Variants in SYNM observed in about 807,000 individuals in gnomAD.
The protein encoded by SYNM is desmuslin.
In SYNM, 95 loss-of-function variants were observed where a neutral mutation model predicts 104.0. The observed-to-expected ratio is 0.91, with a 90% CI of 0.77 to 1.08. The LOEUF (loss-of-function observed/expected upper bound fraction) is 1.08. SYNM is among the 50% of genes least tolerant of loss of function. SYNM has a pLI of 0.00. For synonymous variants in SYNM, 918 were observed against 869.0 expected, an observed-to-expected ratio of 1.06 and a Z score of -0.99; for missense variants, 2,150 against 2,052.2, an observed-to-expected ratio of 1.05 and a Z score of -0.92.
At chr15:99,136,922 A>G (rs2067636459), downstream of SYNM, 1 of 152,170 alleles carries the variant, frequency 6.6e-6, no homozygotes, top group African/African-American at 2.4e-5. Flanking sequence ...TATTTTCCCC[A>G]TCAATACTGG....
intron 2 of SYNM, among the ~76,000 whole-genome samples, chr15:99,125,711 C>T (rs1328028007): frequency 2.6e-5 from 4 of 152,258 alleles, no homozygotes; most frequent in Non-Finnish European, 5.9e-5. Context: ...ATTGGCATTT[C>T]TCAGTGGGCT....
intron 1 of SYNM, among the ~76,000 whole-genome samples, chr15:99,106,339 G>A (rs552333476): frequency 1.3e-5 from 2 of 152,288 alleles, no homozygotes; most frequent in African/African-American, 4.8e-5. Context: ...TCCATTTTCC[G>A]TGCTCCGTAG....
Position 99,133,276 on chromosome 15 carries a change from TG to T in SYNM, c.*221del. On this transcript the variant is annotated 3_prime_UTR_variant, in exon 4 of 4. Transcript: ENST00000336292. ...AGGCACTGCAATTTTATTTTTGAGT[TG>T]GGACTTTTACAAAACACTTTTTTCC... The T allele has an allele frequency of 1.0e-6, 1 of 986,262 alleles. No individual in the cohort carries two copies. The highest frequency in any genetic ancestry group is 1.4e-6 in the Non-Finnish European group (1 of 710,648). 61.1% of individuals were successfully genotyped at this position (986,262 alleles called of 1,614,324 possible). A position where few individuals can be genotyped will look rare whatever the true frequency, so the allele number is the denominator to read the frequency against.
rs376879009 is a variant in SYNM, at chr15:99,130,125, G to A, written c.1765G>A (p.Ala589Thr). The change falls in exon 4 of 4, where the codon GCA becomes ACA. Residue 589 changes from alanine (A) to threonine (T), a missense_variant. By Grantham distance (58) the Ala-to-Thr change is moderately conservative (BLOSUM62 0). Transcript: ENST00000336292. Reference protein sequence around the residue: ...ISLEVSQDRRAEVSPKGLQTP... With the variant: ...ISLEVSQDRRTEVSPKGLQTP... ...TCTAGAAGTATCCCAGGACAGAAGA[G>A]CAGAGGTGTCCCCGAAAGGTTTGCA... 6 of 1,613,926 alleles carry A rather than the reference G, an allele frequency of 3.7e-6. No individual in the cohort carries two copies. The East Asian group carries it at 1.1e-4, about 30-fold the overall frequency.
chr15:99,140,817 G>A, the SYNM span: 3 of 152,182 alleles, frequency 2.0e-5, no homozygotes, highest in Non-Finnish European at 4.4e-5. Context: ...GACAAGCCAC[G>A]CTGAGGAAAG....
At chr15:99,111,464 A>G (rs1555483399) in intron 1 of SYNM, among the ~76,000 whole-genome samples, 2 of 152,196 alleles carry the variant, frequency 1.3e-5, no homozygotes, top group Non-Finnish European at 2.9e-5. Flanking sequence ...AGAATGTGTG[A>G]ATATTGTGGC....
At chr15:99,122,719 G>A (rs1355899573) in intron 2 of SYNM, among the ~76,000 whole-genome samples, 6 of 152,116 alleles carry the variant, frequency 3.9e-5, no homozygotes, top group Non-Finnish European at 5.9e-5. Flanking sequence ...CGTGCCTGTA[G>A]TCCCAGCTAC....
At chr15:99,138,154 G>A, downstream of SYNM, 1 of 1,610,368 alleles carries the variant, frequency 6.2e-7, no homozygotes, top group Non-Finnish European at 8.5e-7. Flanking sequence ...GGTGGGGTGA[G>A]TGTGGTGCCC....
rs942487719 is a variant in SYNM at position 99,132,818 on chromosome 15, C to A, written c.4458C>A (p.Asp1486Glu). ...TQEAGALGVS[D>E]RGSWRDADSR... ...AAGCGGGAGCTCTCGGTGTGTCTGACCGTGGTTCCTGGAGAGACGCGGACA... is the reference window on the plus strand; with the variant it reads ...AAGCGGGAGCTCTCGGTGTGTCTGAACGTGGTTCCTGGAGAGACGCGGACA... The change falls in exon 4 of 4, where the codon GAC becomes GAA. Residue 1486 changes from aspartate (D) to glutamate (E), a missense_variant. By Grantham distance (45) the Asp-to-Glu change is conservative. Transcript: ENST00000336292. 2.5e-6 allele frequency: 4 copies of A among 1,613,590 alleles called. No individual in the cohort carries two copies. In the Admixed American group the frequency reaches 5.0e-5, roughly 20 times the overall value.
intron 1 of SYNM, among the ~76,000 whole-genome samples, chr15:99,110,025 T>C (rs1299299052): frequency 6.6e-6 from 1 of 152,120 alleles, no homozygotes; most frequent in Non-Finnish European, 1.5e-5. Flanking sequence ...CCTTCAGAGA[T>C]TGTTGCAGTA....
Position 99,111,727 on chromosome 15 carries a change from T to C in SYNM, c.811-1864T>C, listed in dbSNP as rs548610638. Reference sequence around the variant, plus strand: ...CTGTTATGAGAAGTGGGAATATTTATTGGCTGATCATGCATTTTAAAAAAT... The same window carrying C: ...CTGTTATGAGAAGTGGGAATATTTACTGGCTGATCATGCATTTTAAAAAAT... On this transcript the variant is annotated intron_variant, in intron 1 of 3. Coordinates refer to ENST00000336292, the MANE Select transcript of SYNM (RefSeq NM_145728.3). 2.6e-5 allele frequency among the ~76,000 whole-genome samples: 4 copies of C among 151,232 alleles called. 1 individual carries two copies. The South Asian group carries it at 8.3e-4, about 32-fold the overall frequency.
In SYNM at chr15:99,105,104, G is replaced by A; in HGVS notation, c.-96G>A. The A allele has an allele frequency of 6.5e-6, 9 of 1,395,086 alleles. No homozygotes were observed. The highest frequency in any genetic ancestry group is 8.6e-6 in the Non-Finnish European group (9 of 1,042,128). 86.4% of individuals were successfully genotyped at this position (1,395,086 alleles called of 1,614,324 possible). A position where few individuals can be genotyped will look rare whatever the true frequency, so the allele number is the denominator to read the frequency against. On this transcript the variant is annotated 5_prime_UTR_variant, in exon 1 of 4. Transcript: ENST00000336292. ...CAGTCTGCGGGCCTCCGGGGCAGCG[G>A]CGAGGCCGGAGCGTCGCGGCGGAGA...
At position 99,105,393 on chromosome 15, in the gene SYNM, G is replaced by A; in HGVS notation, c.194G>A (p.Arg65His). ...EGQARCAEEARSLRQQLDELS... is the reference protein window; with the variant it reads ...EGQARCAEEAHSLRQQLDELS... The stretch of plus-strand genomic sequence containing the variant: ...CAGGCCCGCTGCGCCGAGGAGGCGC[G>A]CAGCTTGCGGCAGCAGCTGGACGAG... Residue 65 changes from arginine to histidine, a missense_variant, in exon 1 of 4, where the codon CGC becomes CAC. Arg to His is a conservative substitution (Grantham distance 29). Coordinates refer to ENST00000336292, the MANE Select transcript of SYNM (RefSeq NM_145728.3). 2.6e-6 allele frequency: 4 copies of A among 1,509,930 alleles called. No individual in the cohort carries two copies. Among genetic ancestry groups the A allele is most frequent in the Non-Finnish European group, 3.5e-6 (4 of 1,135,814 alleles). The allele number at this position is 1,509,930 out of a possible 1,614,324, so 93.5% of individuals were successfully genotyped here. A position where few individuals can be genotyped will look rare whatever the true frequency, so the allele number is the denominator to read the frequency against.
chr15:99,113,719 A>G lies in SYNM; in HGVS notation c.935+4A>G, dbSNP rs1445721833. 1.2e-6 allele frequency: 2 copies of G among 1,613,390 alleles called. No homozygotes were observed. The highest frequency in any genetic ancestry group is 2.7e-5 in the African/African-American group (2 of 74,920). ...GTCTGGAGGTGGCGACCTACCGGTAAGGAGACTGTGCTGAGTTGGCCTTGA... is the reference window on the plus strand; with the variant it reads ...GTCTGGAGGTGGCGACCTACCGGTAGGGAGACTGTGCTGAGTTGGCCTTGA... On this transcript the variant is annotated splice_donor_region_variant and intron_variant, in intron 2 of 3. Transcript: ENST00000336292.
downstream of SYNM, chr15:99,139,817 G>A: frequency 8.7e-7 from 1 of 1,152,234 alleles, no homozygotes; most frequent in Non-Finnish European, 1.2e-6. Context: ...TATATAGGCT[G>A]TCTATACTCT....
intron 2 of SYNM, among the ~76,000 whole-genome samples, chr15:99,115,933 A>C (rs554092393): frequency 1.3e-5 from 2 of 152,144 alleles, no homozygotes; most frequent in African/African-American, 2.4e-5. Context: ...CTGAGCCCTC[A>C]CTCCCATCAG....
At chr15:99,114,559 C>A (rs2067329310) in intron 2 of SYNM, among the ~76,000 whole-genome samples, 1 of 152,054 alleles carries the variant, frequency 6.6e-6, no homozygotes, top group South Asian at 2.1e-4. Flanking sequence ...TGGCCCTGAA[C>A]TGAATCTCTT....
Position 99,110,935 on chromosome 15 carries a change from G to A in SYNM, c.811-2656G>A, listed in dbSNP as rs141324091. 3.9e-5 allele frequency among the ~76,000 whole-genome samples: 6 copies of A among 152,338 alleles called. No individual in the cohort carries two copies. The East Asian group carries it at 1.2e-3, about 29-fold the overall frequency. The stretch of plus-strand genomic sequence containing the variant: ...CCCAAGTCTGAAGTTTTATTCCACA[G>A]CAGGATTTGTTGTGATTTCTGCAGA... On this transcript the variant is annotated intron_variant, in intron 1 of 3. Coordinates refer to ENST00000336292, the MANE Select transcript of SYNM (RefSeq NM_145728.3).
intron 2 of SYNM, among the ~76,000 whole-genome samples, chr15:99,118,150 C>T (rs1405941324): frequency 2.0e-5 from 3 of 150,958 alleles, no homozygotes; most frequent in Non-Finnish European, 4.4e-5. Flanking sequence ...TGCCCGTTGA[C>T]GAAGAAGACA....
Sources: allele counts gnomAD v4.1 joint callset (sites outside exome capture counted in the v4.1 genomes callset), GRCh38; gene constraint gnomAD v4.1.1; transcripts MANE v1.5; gene names NCBI Gene and HGNC (gene_info 2026-07-23, HGNC 2026-07-21).